The following RGS7 variants were observed in gnomAD, a reference collection of about 807,000 sequenced individuals.
RGS7 encodes regulator of G protein signaling 7, also known as regulator of G-protein signaling 7.
In RGS7, 27 loss-of-function variants were observed where a neutral mutation model predicts 81.1. That is an observed-to-expected ratio of 0.33 (90% confidence interval 0.25 to 0.46). RGS7 has a LOEUF of 0.46. Ranked by LOEUF, RGS7 falls within the 20% of genes least tolerant of loss-of-function variation. The pLI is 1.00. For synonymous variants in RGS7, 208 were observed against 207.7 expected, an observed-to-expected ratio of 1.00 and a Z score of -0.01; for missense variants, 396 against 607.4, an observed-to-expected ratio of 0.65 and a Z score of 3.66.
rs377229985 is a variant in RGS7, at chr1:240,936,549, C to T, written c.333+51G>A. On this transcript the variant is annotated intron_variant, in intron 5 of 18. Coordinates refer to ENST00000440928, the MANE Select transcript of RGS7 (RefSeq NM_001364886.1). ...GTTCAAAAGAAACCTAACTAACAAA[C>T]GAAATGCGGGCTTCTAGTTTACTGT... The T allele has an allele frequency of 4.3e-4, 599 of 1,384,634 alleles. 4 individuals are homozygous for T. Among genetic ancestry groups the T allele is most frequent in the South Asian group, 7.1e-4 (61 of 86,190 alleles). 85.8% of individuals were successfully genotyped at this position (1,384,634 alleles called of 1,614,324 possible). A position where few individuals can be genotyped will look rare whatever the true frequency, so the allele number is the denominator to read the frequency against.
chr1:240,952,750 T>C (rs1254367410), intron 4 of RGS7, among the ~76,000 whole-genome samples: 1 of 151,832 alleles, frequency 6.6e-6, no homozygotes, highest in Non-Finnish European at 1.5e-5. Context: ...GCAGAGATTA[T>C]CTAAGTGGAT....
At chr1:241,031,031 T>A (rs1020585166) in intron 3 of RGS7, among the ~76,000 whole-genome samples, 1 of 152,202 alleles carries the variant, frequency 6.6e-6, no homozygotes, top group Non-Finnish European at 1.5e-5. Context: ...ATATATTGCA[T>A]AGTGGTGAAG....
intron 3 of RGS7, among the ~76,000 whole-genome samples, chr1:241,003,122 T>C (rs1029539075): frequency 3.9e-5 from 6 of 152,280 alleles, no homozygotes; most frequent in Non-Finnish European, 7.4e-5. Context: ...CTCACACACA[T>C]ACACAAAGAT....
At chr1:240,852,759 C>T (rs1404826622) in intron 9 of RGS7, among the ~76,000 whole-genome samples, 17 of 152,176 alleles carry the variant, frequency 1.1e-4, no homozygotes, top group Admixed American at 1.0e-3. Context: ...AAGTAAGAGC[C>T]AAACAAGACA....
At position 241,016,836 on chromosome 1, in the gene RGS7, G is replaced by A. The variant is rs145712400; in HGVS notation, c.176-33707C>T. On this transcript the variant is annotated intron_variant, in intron 3 of 18. Transcript: ENST00000440928. The stretch of plus-strand genomic sequence containing the variant: ...ACTATTCACATTTAAATTGATTATT[G>A]CTATATTCAGATAAAAATCTATCAT... Among the ~76,000 whole-genome samples, 785 of 152,044 alleles carry A rather than the reference G, an allele frequency of 5.2e-3. 4 individuals are homozygous for A. The highest frequency in any genetic ancestry group is 0.016 in the South Asian group (79 of 4,806).
intron 2 of RGS7, among the ~76,000 whole-genome samples, chr1:241,299,996 T>A (rs1307791367): frequency 7.5e-6 from 1 of 133,624 alleles, no homozygotes. Context: ...ACACTTGTAA[T>A]ACCAGCCACT....
At chr1:240,890,813 G>T (rs1192425936) in intron 6 of RGS7, among the ~76,000 whole-genome samples, 2 of 150,176 alleles carry the variant, frequency 1.3e-5, no homozygotes, top group African/African-American at 2.5e-5. Context: ...TTTGAACCCA[G>T]TTGTCTGGGA....
intron 6 of RGS7, among the ~76,000 whole-genome samples, chr1:240,913,893 T>C (rs1432070737): frequency 6.6e-6 from 1 of 152,066 alleles, no homozygotes; most frequent in Non-Finnish European, 1.5e-5. Flanking sequence ...TTTTGTTTTT[T>C]TTGTTTTTTT....
At chr1:241,081,687 A>G (rs1036061112) in intron 3 of RGS7, among the ~76,000 whole-genome samples, 1 of 152,240 alleles carries the variant, frequency 6.6e-6, no homozygotes, top group Non-Finnish European at 1.5e-5. Flanking sequence ...GTTCATTCCT[A>G]TGATTCTTGG....
chr1:240,924,132 C>G (rs1001311437), intron 6 of RGS7, among the ~76,000 whole-genome samples: 1 of 152,154 alleles, frequency 6.6e-6, no homozygotes, highest in African/African-American at 2.4e-5. Context: ...AAATCTGTCC[C>G]TGAAGGAAAA....
rs552651854 is a variant in RGS7 at position 241,023,088 on chromosome 1, T to C, written c.176-39959A>G. ...AGAATAACAACTACAGATATAGTTG[T>C]TATAGTTAAATGAATAAAATCATGT... On this transcript the variant is annotated intron_variant, in intron 3 of 18. Transcript: ENST00000440928. Among the ~76,000 whole-genome samples, 45 of 59,228 alleles carry C rather than the reference T, an allele frequency of 7.6e-4. 2 individuals are homozygous for C. Among genetic ancestry groups the C allele is most frequent in the Non-Finnish European group, 1.5e-3 (38 of 25,692 alleles). The allele number at this position is 59,228 out of a possible 152,430, so 38.9% of individuals were successfully genotyped here. A position where few individuals can be genotyped will look rare whatever the true frequency, so the allele number is the denominator to read the frequency against.
At chr1:240,827,434 C>T (rs1398730995) in intron 9 of RGS7, among the ~76,000 whole-genome samples, 4 of 152,220 alleles carry the variant, frequency 2.6e-5, no homozygotes, top group African/African-American at 7.2e-5. Flanking sequence ...AAGAAATACT[C>T]GGACTGCACA....
At chr1:241,047,500 C>T (rs1008477299) in intron 3 of RGS7, among the ~76,000 whole-genome samples, 3 of 152,114 alleles carry the variant, frequency 2.0e-5, no homozygotes, top group Admixed American at 6.6e-5. Flanking sequence ...AGTTCAAATG[C>T]TTCCCATATC....
At chr1:241,010,023 G>A (rs1391439114) in intron 3 of RGS7, among the ~76,000 whole-genome samples, 10 of 152,162 alleles carry the variant, frequency 6.6e-5, no homozygotes, top group Middle Eastern at 3.4e-3. Context: ...ATCATACACC[G>A]GGGCCTGTCA....
At chr1:241,254,552 C>T (rs907234527) in intron 2 of RGS7, among the ~76,000 whole-genome samples, 9 of 152,132 alleles carry the variant, frequency 5.9e-5, no homozygotes, top group African/African-American at 2.2e-4. Flanking sequence ...GATACTAATC[C>T]CATGACCTCA....
At chr1:241,338,302 G>A (rs950871071) in intron 2 of RGS7, among the ~76,000 whole-genome samples, 1 of 152,156 alleles carries the variant, frequency 6.6e-6, no homozygotes, top group Non-Finnish European at 1.5e-5. Context: ...ACATAAAATA[G>A]TGTATCCAAT....
At chr1:240,972,676 C>T (rs1458682484) in intron 4 of RGS7, among the ~76,000 whole-genome samples, 2 of 127,650 alleles carry the variant, frequency 1.6e-5, no homozygotes, top group African/African-American at 2.9e-5. Flanking sequence ...TGCACATGTA[C>T]CCTAAAACTT....
At chr1:241,185,875 T>G (rs939862175) in intron 2 of RGS7, among the ~76,000 whole-genome samples, 5 of 152,094 alleles carry the variant, frequency 3.3e-5, no homozygotes, top group African/African-American at 1.2e-4. Flanking sequence ...AATGCCTAAA[T>G]TTTTAAAAGA....
intron 2 of RGS7, among the ~76,000 whole-genome samples, chr1:241,184,122 T>C (rs1399640788): frequency 6.6e-6 from 1 of 152,092 alleles, no homozygotes; most frequent in Non-Finnish European, 1.5e-5. Flanking sequence ...AGAGAAATAA[T>C]GAATGTCATT....
Sources: gnomAD v4.1 joint callset for allele counts (sites outside exome capture counted in the v4.1 genomes callset) on GRCh38, gnomAD v4.1.1 for gene constraint, MANE v1.5 for transcripts, NCBI Gene and HGNC (gene_info 2026-07-23, HGNC 2026-07-21) for gene names.